Variants in CEP128 observed in about 807,000 individuals in gnomAD.
CEP128 encodes centrosomal protein 128, also known as centrosomal protein 128kDa.
Under a neutral mutation model 156.7 loss-of-function variants are expected in CEP128, and 132 were observed. The observed-to-expected ratio is 0.84, with a 90% CI of 0.73 to 0.97. The LOEUF (loss-of-function observed/expected upper bound fraction) is 0.97, where lower values mean the gene tolerates loss of function less well. Among genes scored for constraint, CEP128 ranks in the 50% least tolerant of loss-of-function variants. CEP128 has a pLI of 0.00. For missense variants in CEP128, 1,252 were observed against 1,281.9 expected, an observed-to-expected ratio of 0.98 and a Z score of 0.36; for synonymous variants, 469 against 448.9, an observed-to-expected ratio of 1.04 and a Z score of -0.57.
intron 16 of CEP128, among the ~76,000 whole-genome samples, chr14:80,771,015 T>C (rs1900485442): frequency 6.6e-6 from 1 of 152,176 alleles, no homozygotes; most frequent in Non-Finnish European, 1.5e-5. Flanking sequence ...TATATATTTT[T>C]CCCCATCATC....
Position 80,933,918 on chromosome 14 carries a change from T to C in CEP128, c.-16+5467A>G, listed in dbSNP as rs540370884. 7.2e-5 allele frequency among the ~76,000 whole-genome samples: 11 copies of C among 152,266 alleles called. No homozygotes were observed. In the South Asian group the frequency reaches 2.3e-3, roughly 32 times the overall value. On this transcript the variant is annotated intron_variant, in intron 2 of 24. Coordinates refer to ENST00000555265, the MANE Select transcript of CEP128 (RefSeq NM_152446.5). ...AGAGATTAGTAGCTAGAAAGGAATA[T>C]TTATGTGTGGGAAATAAGCCTTAGA...
intron 6 of CEP128, among the ~76,000 whole-genome samples, chr14:80,902,545 A>G (rs1883639912): frequency 6.6e-6 from 1 of 152,216 alleles, no homozygotes; most frequent in Non-Finnish European, 1.5e-5. Flanking sequence ...CAAAGAGGTC[A>G]AAGTGCAGAA....
chr14:80,761,838 C>T (rs773946034), intron 16 of CEP128, among the ~76,000 whole-genome samples: 1 of 151,700 alleles, frequency 6.6e-6, no homozygotes, highest in Non-Finnish European at 1.5e-5. Flanking sequence ...AGATATCTGG[C>T]AAACAAAATT....
chr14:80,819,884 G>A (rs555714743), intron 13 of CEP128, among the ~76,000 whole-genome samples: 1 of 152,126 alleles, frequency 6.6e-6, no homozygotes, highest in East Asian at 1.9e-4. Flanking sequence ...GTAAAATACT[G>A]AATAATTTTT....
intron 2 of CEP128, among the ~76,000 whole-genome samples, chr14:80,931,338 C>T (rs992465770): frequency 4.9e-4 from 74 of 152,282 alleles, no homozygotes; most frequent in African/African-American, 1.8e-3. Flanking sequence ...CTGTGTCATC[C>T]ATGGAGAAAT....
chr14:80,739,638 C>CTT (rs536749997), intron 19 of CEP128, among the ~76,000 whole-genome samples: 1 of 151,106 alleles, frequency 6.6e-6, no homozygotes, highest in Non-Finnish European at 1.5e-5. Flanking sequence ...TTTTAATATT[C>CTT]TTTTTTTTTG....
At chr14:80,514,528 T>C (rs915915155) in intron 23 of CEP128, 3 of 217,638 alleles carry the variant, frequency 1.4e-5, no homozygotes, top group Admixed American at 1.0e-4. Context: ...TTCTTCAGTA[T>C]GTCAATTAAA....
At chr14:80,668,500 T>C (rs1299643253) in intron 19 of CEP128, among the ~76,000 whole-genome samples, 2 of 152,092 alleles carry the variant, frequency 1.3e-5, no homozygotes, top group Non-Finnish European at 2.9e-5. Context: ...ATTTTGAATA[T>C]AGAACAGAAA....
intron 19 of CEP128, among the ~76,000 whole-genome samples, chr14:80,585,774 G>C (rs990369139): frequency 6.6e-6 from 1 of 152,104 alleles, no homozygotes; most frequent in Non-Finnish European, 1.5e-5. Flanking sequence ...AAACACAATA[G>C]ATAATGCAAA....
At chr14:80,761,884 G>GA (rs1199431961) in intron 16 of CEP128, among the ~76,000 whole-genome samples, 2 of 151,964 alleles carry the variant, frequency 1.3e-5, no homozygotes, top group Admixed American at 6.6e-5. Context: ...AAAAGAAGTA[G>GA]AAAAAAGAAC....
chr14:80,677,465 C>T (rs1048581976), intron 19 of CEP128, among the ~76,000 whole-genome samples: 6 of 136,884 alleles, frequency 4.4e-5, no homozygotes, highest in East Asian at 2.3e-4. Flanking sequence ...GCCCAGATGG[C>T]GCCACTGCAC....
chr14:80,478,109 C>T (rs865904377), exon 15 of CEP128: 1 of 152,028 alleles, frequency 6.6e-6, no homozygotes, highest in African/African-American at 2.4e-5. Flanking sequence ...TTTTTACTAG[C>T]AGAGCGTTCT....
chr14:80,951,905 G>A (rs1299134822), intron 2 of CEP128, among the ~76,000 whole-genome samples: 1 of 151,870 alleles, frequency 6.6e-6, no homozygotes, highest in African/African-American at 2.4e-5. Context: ...GTATAAAGAA[G>A]GCCATTTAAT....
rs766724436 is a variant in CEP128, at chr14:80,856,720, C to CTTTTTTTTTTTT, written c.762+6025_762+6036dup. Among the ~76,000 whole-genome samples the CTTTTTTTTTTTT allele has an allele frequency of 7.7e-5, 5 of 65,158 alleles. 1 individual carries two copies. The highest frequency in any genetic ancestry group is 1.4e-4 in the Non-Finnish European group (5 of 35,600). 42.7% of individuals were successfully genotyped at this position (65,158 alleles called of 152,430 possible). ...AGCATTTATCTCATGTTTTTCTTTT[C>CTTTTTTTTTTTT]TTTTTTTTTTTTTTTTTTTTTTTTT... On this transcript the variant is annotated intron_variant, in intron 9 of 24. Coordinates refer to ENST00000555265, the MANE Select transcript of CEP128 (RefSeq NM_152446.5).
chr14:80,485,026 T>A lies in CEP128; in HGVS notation c.*311-6619A>T, dbSNP rs543630731. ...CAAAAGCAGTGGAATCAAGGTAGCA[T>A]CAGACAGAAGACGGCAGCCATTGTG... On this transcript the variant is annotated intron_variant and NMD_transcript_variant, in intron 14 of 14. Transcript: ENST00000554502. Among the ~76,000 whole-genome samples, 59 of 152,210 alleles carry A rather than the reference T, an allele frequency of 3.9e-4. 1 individual carries two copies. The highest frequency in any genetic ancestry group is 1.3e-3 in the African/African-American group (56 of 41,518).
intron 19 of CEP128, among the ~76,000 whole-genome samples, chr14:80,625,887 ACTCTTG>A (rs1893698402): frequency 8.2e-6 from 1 of 122,538 alleles, no homozygotes; most frequent in Non-Finnish European, 1.8e-5. Flanking sequence ...TCTTTTTGTT[ACTCTTG>A]TACAGAAGAA....
At chr14:80,897,927 G>A (rs1307033994) in intron 7 of CEP128, among the ~76,000 whole-genome samples, 1 of 152,062 alleles carries the variant, frequency 6.6e-6, no homozygotes, top group Non-Finnish European at 1.5e-5. Context: ...ACAGGCATGT[G>A]CCACCACTCC....
chr14:80,899,870 C>A lies in CEP128; in HGVS notation c.572+68G>T. 5 of 1,090,778 alleles carry A rather than the reference C, an allele frequency of 4.6e-6. No homozygotes were observed. In the South Asian group the frequency reaches 5.3e-5, roughly 12 times the overall value. The allele number at this position is 1,090,778 out of a possible 1,614,324, so 67.6% of individuals were successfully genotyped here. ...TTTTTAAAAATCTAGATAAATATGT[C>A]AATTACAGAAGCTAATTTATTCTCC... On this transcript the variant is annotated intron_variant, in intron 7 of 24. Transcript: ENST00000555265.
chr14:80,680,262 T>C (rs950914473), intron 19 of CEP128, among the ~76,000 whole-genome samples: 1 of 152,294 alleles, frequency 6.6e-6, no homozygotes, highest in East Asian at 1.9e-4. Context: ...CTAATCTGCA[T>C]GTGCCATTGC....
Sources: gnomAD v4.1 joint callset for allele counts (sites outside exome capture counted in the v4.1 genomes callset) on GRCh38, gnomAD v4.1.1 for gene constraint, MANE v1.5 for transcripts, NCBI Gene and HGNC (gene_info 2026-07-23, HGNC 2026-07-21) for gene names.